Variants in RCL1 observed in about 807,000 individuals in gnomAD.
RCL1 encodes RNA 3'-terminal phosphate cyclase-like protein.
A neutral mutation model predicts 42.4 loss-of-function variants in RCL1; 24 were observed. The observed-to-expected ratio is 0.57, with a 90% CI of 0.41 to 0.80. RCL1 has a LOEUF of 0.80. Ranked by LOEUF, RCL1 falls within the 30% of genes least tolerant of loss-of-function variation. The pLI is 0.00. For missense variants in RCL1, 578 were observed against 467.9 expected (o/e 1.24, Z -2.17); for synonymous variants, 228 against 177.3 (o/e 1.29, Z -2.27).
chr9:4,815,222 C>T (rs1816328207), intron 1 of RCL1, among the ~76,000 whole-genome samples: 1 of 148,500 alleles, frequency 6.7e-6, no homozygotes, highest in African/African-American at 2.6e-5. Flanking sequence ...CTTTTTTCTC[C>T]TCCTGGAACT....
intron 8 of RCL1, among the ~76,000 whole-genome samples, chr9:4,855,998 A>G (rs985231747): frequency 6.6e-6 from 1 of 152,160 alleles, no homozygotes; most frequent in African/African-American, 2.4e-5. Flanking sequence ...TGAGTGATTC[A>G]GAGTGAAGTA....
rs1254714053 is a variant in RCL1 at position 4,860,054 on chromosome 9, T to C, written c.972-71T>C. On this transcript the variant is annotated intron_variant, in intron 8 of 8. Transcript: ENST00000381750. ...TCTGGGAGATTAAAACCTTGGATTC[T>C]AGGTGGTAGAGGATAATTTTTTTTT... The C allele has an allele frequency of 1.4e-5, 15 of 1,092,960 alleles. No homozygotes were observed. The East Asian group carries it at 2.4e-4, about 17-fold the overall frequency. 67.7% of individuals were successfully genotyped at this position (1,092,960 alleles called of 1,614,324 possible). A position where few individuals can be genotyped will look rare whatever the true frequency, so the allele number is the denominator to read the frequency against.
chr9:4,836,020 G>C (rs889607880), intron 5 of RCL1, among the ~76,000 whole-genome samples: 1 of 152,194 alleles, frequency 6.6e-6, no homozygotes, highest in African/African-American at 2.4e-5. Context: ...GAGTTAGGAT[G>C]GGATTGAGGG....
chr9:4,838,087 A>G (rs1182078099), intron 5 of RCL1, among the ~76,000 whole-genome samples: 16 of 152,182 alleles, frequency 1.1e-4, no homozygotes. Context: ...GCCTTTGGAA[A>G]AAGCTTGAGT....
At chr9:4,857,225 A>C (rs937297208) in intron 8 of RCL1, among the ~76,000 whole-genome samples, 6 of 152,192 alleles carry the variant, frequency 3.9e-5, no homozygotes, top group Non-Finnish European at 7.3e-5. Context: ...CCCCAGAAAG[A>C]AACCCTGTGC....
intron 1 of RCL1, among the ~76,000 whole-genome samples, chr9:4,819,668 G>A (rs927815035): frequency 3.9e-5 from 6 of 152,116 alleles, no homozygotes; most frequent in Non-Finnish European, 8.8e-5. Context: ...TTAGCTGGGC[G>A]TGGTGGCACG....
chr9:4,795,187 C>T, intron 1 of RCL1, among the ~76,000 whole-genome samples: 1 of 152,110 alleles, frequency 6.6e-6, no homozygotes, highest in Non-Finnish European at 1.5e-5. Context: ...CTGCAATTCT[C>T]CTGCCTCAGC....
intron 8 of RCL1, chr9:4,850,389 G>A (rs769568975): frequency 1.9e-6 from 1 of 528,716 alleles, no homozygotes; most frequent in East Asian, 5.5e-5. Context: ...ATCACATTGA[G>A]AAAGGGTTGA....
At position 4,834,198 on chromosome 9, in the gene RCL1, G is replaced by A. The variant is rs1292770621; in HGVS notation, c.517G>A (p.Val173Met). 1.2e-6 allele frequency: 2 copies of A among 1,613,798 alleles called. No individual in the cohort carries two copies. Among genetic ancestry groups the A allele is most frequent in the South Asian group, 2.2e-5 (2 of 91,074 alleles). The change falls in exon 5 of 9, where the codon GTG (valine) becomes ATG (methionine). Residue 173 changes from valine (V) to methionine (M), a missense_variant. Coordinates refer to ENST00000381750, the MANE Select transcript of RCL1 (RefSeq NM_005772.5). Reference protein sequence around the residue: ...GGGEVVFSCPVRKVLKPIQLT... With the variant: ...GGGEVVFSCPMRKVLKPIQLT... ...AGGCGAAGTGGTTTTCTCATGTCCT[G>A]TGAGGAAGGTCTTGAAGCCCATTCA... is the stretch of plus-strand genomic sequence containing the variant.
intron 1 of RCL1, among the ~76,000 whole-genome samples, chr9:4,823,203 C>T (rs1479640325): frequency 6.6e-6 from 1 of 151,786 alleles, no homozygotes; most frequent in Non-Finnish European, 1.5e-5. Context: ...TTTGGCATGT[C>T]CTCCTGAGTT....
At chr9:4,812,241 CT>C (rs1816206334) in intron 1 of RCL1, among the ~76,000 whole-genome samples, 1 of 152,022 alleles carries the variant, frequency 6.6e-6, no homozygotes, top group South Asian at 2.1e-4. Flanking sequence ...TTGAGGTCTT[CT>C]CCAGAAAATG....
chr9:4,812,873 T>A (rs989251223), intron 1 of RCL1, among the ~76,000 whole-genome samples: 1 of 152,204 alleles, frequency 6.6e-6, no homozygotes, highest in African/African-American at 2.4e-5. Flanking sequence ...TTTCTGCTAA[T>A]TCATTGTTAG....
chr9:4,823,459 A>T, intron 1 of RCL1, 89 bp from the exon 2 acceptor site: 1 of 985,822 alleles, frequency 1.0e-6, no homozygotes, highest in East Asian at 2.4e-5. Context: ...CTACCACAGT[A>T]CCTGAATCAG....
chr9:4,845,380 T>C (rs367789275), intron 7 of RCL1, among the ~76,000 whole-genome samples: 43 of 152,354 alleles, frequency 2.8e-4, no homozygotes, highest in African/African-American at 8.9e-4. Context: ...GGGACACAGC[T>C]GAGACCAATT....
chr9:4,853,128 G>C (rs1219611164), intron 8 of RCL1, among the ~76,000 whole-genome samples: 1 of 152,076 alleles, frequency 6.6e-6, no homozygotes, highest in Non-Finnish European at 1.5e-5. Flanking sequence ...TAAGCACTCA[G>C]ACATAATAAC....
intron 5 of RCL1, chr9:4,839,915 A>C: frequency 1.0e-6 from 1 of 985,394 alleles, no homozygotes; most frequent in Non-Finnish European, 1.2e-6. Context: ...CAGGAGAGAG[A>C]TTGGGACCTC....
chr9:4,852,889 T>A (rs1180121559), intron 8 of RCL1, among the ~76,000 whole-genome samples: 1 of 152,106 alleles, frequency 6.6e-6, no homozygotes, highest in South Asian at 2.1e-4. Flanking sequence ...TTTGGGTGAT[T>A]TTAGGGTTTA....
intron 1 of RCL1, among the ~76,000 whole-genome samples, chr9:4,807,001 T>C (rs1220181129): frequency 6.6e-6 from 1 of 152,242 alleles, no homozygotes; most frequent in African/African-American, 2.4e-5. Context: ...GTGGTCCGTT[T>C]CATCTAACTT....
chr9:4,797,843 A>G (rs952230728), intron 1 of RCL1, among the ~76,000 whole-genome samples: 4 of 152,206 alleles, frequency 2.6e-5, no homozygotes, highest in East Asian at 3.8e-4. Flanking sequence ...TTCCATTGCA[A>G]AGGGGTTGTA....
Sources: allele counts gnomAD v4.1 joint callset (sites outside exome capture counted in the v4.1 genomes callset), GRCh38; gene constraint gnomAD v4.1.1; transcripts MANE v1.5; gene names NCBI Gene and HGNC (gene_info 2026-07-23, HGNC 2026-07-21).